Variants in LMNTD1 observed in about 807,000 individuals in gnomAD.
LMNTD1 encodes the protein lamin tail domain containing 1.
In LMNTD1, 35 loss-of-function variants were observed where a neutral mutation model predicts 50.9. That is an observed-to-expected ratio of 0.69 (90% CI 0.53 to 0.91). The LOEUF (loss-of-function observed/expected upper bound fraction) is 0.91. LMNTD1 is among the 40% of genes least tolerant of loss of function. LMNTD1 has a pLI of 0.00. For synonymous variants in LMNTD1, 153 were observed against 161.9 expected, an observed-to-expected ratio of 0.94 and a Z score of 0.42; for missense variants, 470 against 475.5, an observed-to-expected ratio of 0.99 and a Z score of 0.11.
intron 8 of LMNTD1, among the ~76,000 whole-genome samples, chr12:25,506,942 C>T (rs1040836061): frequency 2.9e-4 from 44 of 151,816 alleles, no homozygotes; most frequent in African/African-American, 9.0e-4. Context: ...TGTAATGATG[C>T]GATCTTGGCT....
chr12:25,538,859 A>C (rs2136174088), intron 4 of LMNTD1, among the ~76,000 whole-genome samples: 1 of 130,942 alleles, frequency 7.6e-6, no homozygotes, highest in East Asian at 2.3e-4. Flanking sequence ...CATAGGCTCA[A>C]AATAAAGGGA....
intron 1 of LMNTD1, among the ~76,000 whole-genome samples, chr12:25,631,425 G>A (rs1397322647): frequency 6.6e-6 from 1 of 152,152 alleles, no homozygotes; most frequent in Non-Finnish European, 1.5e-5. Context: ...ACCAGAACAA[G>A]CACTGGTATC....
At chr12:25,560,958 T>TAC (rs963824493) in intron 1 of LMNTD1, among the ~76,000 whole-genome samples, 7 of 152,234 alleles carry the variant, frequency 4.6e-5, no homozygotes, top group Admixed American at 1.3e-4. Flanking sequence ...TTTCTAAATA[T>TAC]ACAATCATGT....
At chr12:25,519,235 TG>T (rs1941052710) in intron 7 of LMNTD1, among the ~76,000 whole-genome samples, 1 of 152,116 alleles carries the variant, frequency 6.6e-6, no homozygotes, top group African/African-American at 2.4e-5. Context: ...GCTAAAGACT[TG>T]GGGATACCTC....
At chr12:25,641,212 A>T (rs547957055) in intron 1 of LMNTD1, among the ~76,000 whole-genome samples, 8 of 152,254 alleles carry the variant, frequency 5.3e-5, no homozygotes, top group African/African-American at 1.9e-4. Flanking sequence ...TGTTTTTATT[A>T]ATGTTCATAA....
chr12:25,541,822 T>G (rs1293606871), intron 4 of LMNTD1, among the ~76,000 whole-genome samples: 6 of 137,372 alleles, frequency 4.4e-5, no homozygotes, highest in African/African-American at 1.6e-4. Context: ...AACCTACTCA[T>G]CTGACAAAGG....
At chr12:25,507,292 A>G (rs908183903) in intron 8 of LMNTD1, among the ~76,000 whole-genome samples, 2 of 152,226 alleles carry the variant, frequency 1.3e-5, no homozygotes, top group African/African-American at 4.8e-5. Flanking sequence ...AGAAAAGCAC[A>G]ATGACTCAAT....
intron 1 of LMNTD1, among the ~76,000 whole-genome samples, chr12:25,559,405 A>G (rs1592013358): frequency 6.6e-6 from 1 of 152,184 alleles, no homozygotes; most frequent in South Asian, 2.1e-4. Flanking sequence ...ATAGTATTCC[A>G]TGGTGTATAT....
intron 6 of LMNTD1, among the ~76,000 whole-genome samples, chr12:25,520,620 G>T (rs1941248221): frequency 6.6e-6 from 1 of 152,164 alleles, no homozygotes; most frequent in Admixed American, 6.5e-5. Context: ...CACTTAGGTT[G>T]TTTCCATATC....
chr12:25,498,962 A>G (rs928456005), intron 9 of LMNTD1, among the ~76,000 whole-genome samples: 12 of 152,174 alleles, frequency 7.9e-5, no homozygotes, highest in African/African-American at 2.9e-4. Context: ...AGCAATATGA[A>G]GTAAAGGTGT....
chr12:25,542,532 G>A (rs1448976575), intron 4 of LMNTD1, among the ~76,000 whole-genome samples: 1 of 136,364 alleles, frequency 7.3e-6, no homozygotes, highest in African/African-American at 2.8e-5. Context: ...GAGATCACAT[G>A]GACACAGGAA....
intron 8 of LMNTD1, among the ~76,000 whole-genome samples, chr12:25,517,719 TAATAATAATAATAATAATAA>T (rs1940901935): frequency 8.5e-5 from 1 of 11,748 alleles, no homozygotes; most frequent in African/African-American, 1.4e-4. Flanking sequence ...ATAATAATAA[TAATAATAATAATAATAATAA>T]TAATAATAAA....
At chr12:25,558,569 G>T (rs770164149) in intron 1 of LMNTD1, among the ~76,000 whole-genome samples, 6 of 152,010 alleles carry the variant, frequency 3.9e-5, no homozygotes, top group South Asian at 2.1e-4. Flanking sequence ...TGTTGTATTA[G>T]TCTGTTCTCA....
intron 1 of LMNTD1, among the ~76,000 whole-genome samples, chr12:25,635,476 A>C (rs1269806660): frequency 1.3e-5 from 2 of 152,332 alleles, no homozygotes; most frequent in East Asian, 3.9e-4. Flanking sequence ...CTGCTGAAAG[A>C]AATCATAGAT....
intron 1 of LMNTD1, among the ~76,000 whole-genome samples, chr12:25,604,406 G>T (rs1347760627): frequency 6.6e-6 from 1 of 152,026 alleles, no homozygotes; most frequent in African/African-American, 2.4e-5. Flanking sequence ...GTGCAGGTTT[G>T]TTACATATGT....
chr12:25,572,447 C>T (rs1164279562), intron 1 of LMNTD1, among the ~76,000 whole-genome samples: 2 of 152,080 alleles, frequency 1.3e-5, no homozygotes, highest in Non-Finnish European at 2.9e-5. Flanking sequence ...AATTAAAATC[C>T]TGTTGGGGAA....
At chr12:25,497,631 C>T (rs1484658881) in intron 9 of LMNTD1, 1 of 152,070 alleles carries the variant, frequency 6.6e-6, no homozygotes, top group South Asian at 2.1e-4. Context: ...AACCTCGTTG[C>T]TACTAAAAAT....
At chr12:25,601,763 C>T (rs1175950162) in intron 1 of LMNTD1, among the ~76,000 whole-genome samples, 2 of 151,814 alleles carry the variant, frequency 1.3e-5, no homozygotes, top group African/African-American at 4.8e-5. Flanking sequence ...ATAAGTTAAT[C>T]CTTTTCTTTG....
At chr12:25,526,357 A>G (rs1941708078) in intron 5 of LMNTD1, 139 bp from the exon 6 acceptor site, 3 of 769,650 alleles carry the variant, frequency 3.9e-6, no homozygotes, top group Admixed American at 6.2e-5. Flanking sequence ...ATGTCAAGCT[A>G]TGCAACACCA....
Sources: allele counts gnomAD v4.1 joint callset (sites outside exome capture counted in the v4.1 genomes callset), GRCh38; gene constraint gnomAD v4.1.1; transcripts MANE v1.5; gene names NCBI Gene and HGNC (gene_info 2026-07-23, HGNC 2026-07-21).